Variants in SH2D4A observed in about 807,000 individuals in gnomAD.
SH2D4A encodes SH2 domain containing 4A, also known as SH2 domain-containing protein 4A.
Under a neutral mutation model 64.7 loss-of-function variants are expected in SH2D4A, and 70 were observed. The observed-to-expected ratio is 1.08, with a 90% CI of 0.89 to 1.32. The LOEUF (loss-of-function observed/expected upper bound fraction) is 1.32, where lower values mean the gene tolerates loss of function less well. SH2D4A is among the 40% of genes most tolerant of loss of function. The pLI, the probability that SH2D4A is intolerant of heterozygous loss-of-function variation, is 0.00. For missense variants in SH2D4A, 706 were observed against 540.1 expected (o/e 1.31, Z -3.04); for synonymous variants, 268 against 200.7 (o/e 1.34, Z -2.83).
At chr8:19,344,523 A>G (rs2052581593) in intron 4 of SH2D4A, among the ~76,000 whole-genome samples, 1 of 152,148 alleles carries the variant, frequency 6.6e-6, no homozygotes, top group South Asian at 2.1e-4. Flanking sequence ...TTTGCTTTCG[A>G]AGAGCGCCTG....
intron 4 of SH2D4A, among the ~76,000 whole-genome samples, chr8:19,351,002 C>T (rs1239086737): frequency 1.3e-5 from 2 of 152,192 alleles, no homozygotes; most frequent in Non-Finnish European, 2.9e-5. Context: ...ATAAAATTTA[C>T]TGTCCCGCTT....
intron 6 of SH2D4A, chr8:19,363,848 T>G: frequency 1.8e-6 from 1 of 549,548 alleles, no homozygotes; most frequent in Non-Finnish European, 3.2e-6. Context: ...TTTCTCTCCC[T>G]CTCAGAAAAC....
chr8:19,367,702 G>A (rs2053022821), intron 7 of SH2D4A, among the ~76,000 whole-genome samples: 1 of 152,048 alleles, frequency 6.6e-6, no homozygotes, highest in South Asian at 2.1e-4. Flanking sequence ...TTCCTTTGCT[G>A]CAGCAGAATC....
chr8:19,319,366 C>T lies in SH2D4A; in HGVS notation c.-182C>T. 8.0e-7 allele frequency: 1 copy of T among 1,251,956 alleles called. No homozygotes were observed. The highest frequency in any genetic ancestry group is 1.0e-6 in the Non-Finnish European group (1 of 997,200). The allele number at this position is 1,251,956 out of a possible 1,614,324, so 77.6% of individuals were successfully genotyped here. The stretch of plus-strand genomic sequence containing the variant: ...CAGGTTCAGTGAACAGCATTTTGGA[C>T]AGGACATTTGGTGCCAGGTCTGAGT... On this transcript the variant is annotated 5_prime_UTR_variant, in exon 2 of 10. Transcript: ENST00000265807.
intron 8 of SH2D4A, among the ~76,000 whole-genome samples, chr8:19,374,336 G>C (rs1052747065): frequency 6.6e-6 from 1 of 152,128 alleles, no homozygotes; most frequent in Non-Finnish European, 1.5e-5. Flanking sequence ...TGGATCTCAA[G>C]AAAAGTGAGT....
At chr8:19,389,516 G>T (rs1178565592) in intron 8 of SH2D4A, among the ~76,000 whole-genome samples, 5 of 152,134 alleles carry the variant, frequency 3.3e-5, no homozygotes, top group African/African-American at 1.2e-4. Flanking sequence ...TGTTTTGTAG[G>T]GTGTAGGCTC....
chr8:19,331,453 G>C (rs902906005), intron 2 of SH2D4A, among the ~76,000 whole-genome samples: 14 of 152,168 alleles, frequency 9.2e-5, no homozygotes, highest in African/African-American at 3.4e-4. Flanking sequence ...CTCAGGGATG[G>C]TCTCTGTTGG....
intron 4 of SH2D4A, among the ~76,000 whole-genome samples, chr8:19,341,968 A>G (rs1021226873): frequency 3.3e-5 from 5 of 152,214 alleles, no homozygotes; most frequent in African/African-American, 1.2e-4. Flanking sequence ...GCTGTGGAGA[A>G]TGGGTGAAAA....
rs1472243213 is a variant in SH2D4A, at chr8:19,395,490, GAAAT to G, written c.*850_*853del. 6.6e-6 allele frequency: 1 copy of G among 152,240 alleles called. No homozygotes were observed. Among genetic ancestry groups the G allele is most frequent in the Admixed American group, 6.5e-5 (1 of 15,286 alleles). 9.4% of individuals were successfully genotyped at this position (152,240 alleles called of 1,614,324 possible). ...ATCCCCGTGAATGGGACCTTGTTTG[GAAAT>G]AGGGTCTTTGCAGATATAGTCAAGA... On this transcript the variant is annotated 3_prime_UTR_variant, in exon 10 of 10. Transcript: ENST00000265807.
intron 4 of SH2D4A, among the ~76,000 whole-genome samples, chr8:19,352,505 C>T (rs985331343): frequency 3.9e-5 from 6 of 152,164 alleles, no homozygotes; most frequent in African/African-American, 9.7e-5. Context: ...TTAAATAGAG[C>T]AGATATGAGG....
chr8:19,347,177 A>G (rs1210703367), intron 4 of SH2D4A, among the ~76,000 whole-genome samples: 1 of 152,182 alleles, frequency 6.6e-6, no homozygotes, highest in Non-Finnish European at 1.5e-5. Flanking sequence ...GAACACGCAG[A>G]GTTACTGGGT....
intron 7 of SH2D4A, among the ~76,000 whole-genome samples, chr8:19,369,255 T>C (rs1468928267): frequency 6.6e-6 from 1 of 152,010 alleles, no homozygotes; most frequent in Non-Finnish European, 1.5e-5. Context: ...TGGATTTTTG[T>C]ATCTATGTTC....
chr8:19,367,099 T>C (rs1333232313), intron 7 of SH2D4A, among the ~76,000 whole-genome samples: 3 of 152,148 alleles, frequency 2.0e-5, no homozygotes, highest in Admixed American at 2.0e-4. Context: ...ATACTTTTTA[T>C]GTCTGAATAA....
At chr8:19,332,846 T>C (rs751567322) in intron 2 of SH2D4A, 109 bp from the exon 3 acceptor site, 16 of 936,404 alleles carry the variant, frequency 1.7e-5, no homozygotes, top group African/African-American at 3.3e-5. Flanking sequence ...TCATCTGATA[T>C]ATATATATAT....
chr8:19,355,583 G>A (rs765647996), intron 4 of SH2D4A, among the ~76,000 whole-genome samples: 18 of 152,184 alleles, frequency 1.2e-4, no homozygotes, highest in Non-Finnish European at 2.4e-4. Context: ...TGTCAACATA[G>A]TGGAAAAAGC....
intron 8 of SH2D4A, among the ~76,000 whole-genome samples, chr8:19,379,185 A>G (rs1246135105): frequency 3.3e-5 from 5 of 151,826 alleles, no homozygotes; most frequent in African/African-American, 1.2e-4. Flanking sequence ...TTCACCACCA[A>G]CCCCCAGCCC....
Position 19,314,053 on chromosome 8 carries a change from TGTCCGG to T in SH2D4A, c.-205+231_-205+236del. ...CGGGTGTCCGGTGTCCGGTGTCCGG[TGTCCGG>T]TGTCTGGAGCCGCTGGCTAGGTGAG... On this transcript the variant is annotated intron_variant, in intron 1 of 9. Transcript: ENST00000265807. 4.4e-6 allele frequency: 5 copies of T among 1,126,520 alleles called. No individual in the cohort carries two copies. The East Asian group carries it at 2.4e-4, about 55-fold the overall frequency. 69.8% of individuals were successfully genotyped at this position (1,126,520 alleles called of 1,614,324 possible). A position where few individuals can be genotyped will look rare whatever the true frequency, so the allele number is the denominator to read the frequency against.
intron 4 of SH2D4A, among the ~76,000 whole-genome samples, chr8:19,350,616 T>G (rs1471671288): frequency 6.6e-6 from 1 of 152,090 alleles, no homozygotes; most frequent in African/African-American, 2.4e-5. Context: ...CCCGAGTAGC[T>G]GGAACTACAG....
At chr8:19,348,423 A>G (rs971328407) in intron 4 of SH2D4A, among the ~76,000 whole-genome samples, 2 of 152,176 alleles carry the variant, frequency 1.3e-5, no homozygotes, top group African/African-American at 2.4e-5. Context: ...TTATGTTTCC[A>G]TGAGTAGAGA....
Sources: gnomAD v4.1 joint callset for allele counts (sites outside exome capture counted in the v4.1 genomes callset) on GRCh38, gnomAD v4.1.1 for gene constraint, MANE v1.5 for transcripts, NCBI Gene and HGNC (gene_info 2026-07-23, HGNC 2026-07-21) for gene names.